BMPER: variants seen among roughly 807,000 people sequenced by gnomAD.
The protein encoded by BMPER is BMP-binding endothelial regulator protein.
BMPER carries 45 observed loss-of-function variants against 87.3 expected under a neutral mutation model. That is an observed-to-expected ratio of 0.52 (90% CI 0.41 to 0.66). The LOEUF (loss-of-function observed/expected upper bound fraction) is 0.66, where lower values mean the gene tolerates loss of function less well. Among genes scored for constraint, BMPER ranks in the 30% least tolerant of loss-of-function variants. BMPER has a pLI of 0.00. For missense variants in BMPER, 784 were observed against 867.5 expected (o/e 0.90, Z 1.21); for synonymous variants, 326 against 316.2 (o/e 1.03, Z -0.33).
chr7:34,080,810 TAA>T (rs1788992897), intron 12 of BMPER, among the ~76,000 whole-genome samples: 3 of 152,278 alleles, frequency 2.0e-5, no homozygotes, highest in Admixed American at 2.0e-4. Context: ...ACTAACAGCC[TAA>T]GAGGTTCGAT....
intron 1 of BMPER, among the ~76,000 whole-genome samples, chr7:33,906,072 C>G (rs1264344287): frequency 6.6e-6 from 1 of 152,136 alleles, no homozygotes; most frequent in Non-Finnish European, 1.5e-5. Flanking sequence ...AAAATTTGTG[C>G]AGTTTTCCGC....
At chr7:33,974,228 G>C (rs376053559) in intron 5 of BMPER, among the ~76,000 whole-genome samples, 148 of 152,272 alleles carry the variant, frequency 9.7e-4, no homozygotes, top group African/African-American at 3.3e-3. Context: ...GATCATTGGG[G>C]ATGTGGAGTG....
chr7:34,076,494 T>C (rs368892941), intron 11 of BMPER, among the ~76,000 whole-genome samples: 2 of 152,276 alleles, frequency 1.3e-5, no homozygotes, highest in South Asian at 2.1e-4. Context: ...CCTTGATTTT[T>C]CACTTAACAT....
chr7:34,076,542 A>G (rs1788870337), intron 11 of BMPER, among the ~76,000 whole-genome samples: 1 of 152,098 alleles, frequency 6.6e-6, no homozygotes, highest in South Asian at 2.1e-4. Flanking sequence ...ATTATTCACA[A>G]ACTTTTTCAG....
At chr7:33,963,810 A>G (rs568325938) in intron 3 of BMPER, among the ~76,000 whole-genome samples, 14 of 152,220 alleles carry the variant, frequency 9.2e-5, no homozygotes, top group Middle Eastern at 3.4e-3. Flanking sequence ...AAAAACAAAC[A>G]AACAAAAATG....
At chr7:34,131,493 AT>A (rs1310920909) in intron 13 of BMPER, among the ~76,000 whole-genome samples, 2 of 152,086 alleles carry the variant, frequency 1.3e-5, no homozygotes, top group Non-Finnish European at 2.9e-5. Context: ...GTAGTGGAGG[AT>A]TTGTGCCTTT....
In BMPER at chr7:34,140,245, T is replaced by C. The variant is rs537112064; in HGVS notation, c.1746-2985T>C. On this transcript the variant is annotated intron_variant, in intron 13 of 14. Transcript: ENST00000649409. ...AGGAGACATTCCCTGAAAAACACTCTGTGTAAAAGCTGGCAGTTTCACACC... is the reference window on the plus strand; with the variant it reads ...AGGAGACATTCCCTGAAAAACACTCCGTGTAAAAGCTGGCAGTTTCACACC... Among the ~76,000 whole-genome samples the C allele has an allele frequency of 4.3e-4, 66 of 152,318 alleles. 1 individual carries two copies. In the South Asian group the frequency reaches 0.013, roughly 30 times the overall value.
chr7:33,905,501 C>A, upstream of BMPER: 1 of 1,430,452 alleles, frequency 7.0e-7, no homozygotes, highest in East Asian at 3.0e-5. Flanking sequence ...CCCTCCTTCG[C>A]GGACGGTCTC....
chr7:34,013,417 G>A (rs1299639042), intron 6 of BMPER, among the ~76,000 whole-genome samples: 1 of 150,688 alleles, frequency 6.6e-6, no homozygotes, highest in African/African-American at 2.4e-5. Flanking sequence ...TCCAGCGAAG[G>A]CGTCCTAACC....
intron 12 of BMPER, among the ~76,000 whole-genome samples, chr7:34,083,275 T>C (rs527333862): frequency 6.6e-6 from 1 of 152,184 alleles, no homozygotes; most frequent in Non-Finnish European, 1.5e-5. Context: ...GAGATCCACA[T>C]GGGAGGTCAG....
In BMPER at chr7:33,920,809, T is replaced by C. The variant is rs369124311; in HGVS notation, c.219+13906T>C. 6.6e-5 allele frequency among the ~76,000 whole-genome samples: 10 copies of C among 152,272 alleles called. No individual in the cohort carries two copies. In the East Asian group the frequency reaches 9.6e-4, roughly 15 times the overall value. ...AACACTCTTTCCACCTGACATGTAATGGAAAGAGAAGGGTATATGAATATA... is the reference window on the plus strand; with the variant it reads ...AACACTCTTTCCACCTGACATGTAACGGAAAGAGAAGGGTATATGAATATA... On this transcript the variant is annotated intron_variant, in intron 2 of 14. Coordinates refer to ENST00000649409, the MANE Select transcript of BMPER (RefSeq NM_001365308.1).
At chr7:34,130,835 A>AG (rs1790564777) in intron 13 of BMPER, among the ~76,000 whole-genome samples, 1 of 152,212 alleles carries the variant, frequency 6.6e-6, no homozygotes, top group African/African-American at 2.4e-5. Flanking sequence ...AACTAGGAGA[A>AG]GGGGGAGGAA....
intron 6 of BMPER, among the ~76,000 whole-genome samples, chr7:33,990,053 G>A (rs1208200055): frequency 1.3e-5 from 2 of 151,796 alleles, no homozygotes; most frequent in Non-Finnish European, 2.9e-5. Context: ...GTAGTGTGAT[G>A]CCTCCAGCTT....
At chr7:34,112,184 A>G (rs1408886768) in intron 13 of BMPER, among the ~76,000 whole-genome samples, 1 of 152,128 alleles carries the variant, frequency 6.6e-6, no homozygotes, top group Admixed American at 6.6e-5. Context: ...TATGAATGCT[A>G]CAGGAAATTA....
At chr7:33,967,838 T>C (rs1785441430) in intron 4 of BMPER, among the ~76,000 whole-genome samples, 1 of 152,228 alleles carries the variant, frequency 6.6e-6, no homozygotes, top group South Asian at 2.1e-4. Flanking sequence ...ACATATCCTC[T>C]GGAGTCTAGC....
At chr7:33,909,502 C>T (rs1475316829) in intron 2 of BMPER, among the ~76,000 whole-genome samples, 1 of 151,960 alleles carries the variant, frequency 6.6e-6, no homozygotes, top group Admixed American at 6.6e-5. Flanking sequence ...TTTCAGTTGA[C>T]CTGCAGGGAG....
At chr7:34,118,236 C>T (rs377252344) in intron 13 of BMPER, among the ~76,000 whole-genome samples, 3 of 150,912 alleles carry the variant, frequency 2.0e-5, no homozygotes, top group South Asian at 2.1e-4. Context: ...ACCCGGGAGG[C>T]GGAGTTTGCA....
rs1470400629 is a variant in BMPER, at chr7:34,114,402, G to A, written c.1745+28310G>A. ...GAATCTTGCTCATGTTAGCACTGAG[G>A]TTCTTCTGCAGTTTGTTTTATTGAT... On this transcript the variant is annotated intron_variant, in intron 13 of 14. Coordinates refer to ENST00000649409, the MANE Select transcript of BMPER (RefSeq NM_001365308.1). Among the ~76,000 whole-genome samples the A allele has an allele frequency of 3.9e-5, 6 of 152,174 alleles. No individual in the cohort carries two copies. The East Asian group carries it at 1.2e-3, about 29-fold the overall frequency.
intron 6 of BMPER, among the ~76,000 whole-genome samples, chr7:34,006,680 C>T (rs150527225): frequency 6.6e-6 from 1 of 152,176 alleles, no homozygotes; most frequent in Admixed American, 6.5e-5. Context: ...CAGGAACCCT[C>T]AGGAGATAAT....
Sources: allele counts gnomAD v4.1 joint callset (sites outside exome capture counted in the v4.1 genomes callset), GRCh38; gene constraint gnomAD v4.1.1; transcripts MANE v1.5; gene names NCBI Gene and HGNC (gene_info 2026-07-23, HGNC 2026-07-21).